The following GPR89B variants were observed in gnomAD, a reference collection of about 807,000 sequenced individuals.
GPR89B encodes G protein-coupled receptor 89B.
GPR89B carries 25 observed loss-of-function variants against 52.4 expected under a neutral mutation model. The observed-to-expected ratio is 0.48, with a 90% CI of 0.35 to 0.67. GPR89B has a LOEUF of 0.67. Among genes scored for constraint, GPR89B ranks in the 30% least tolerant of loss-of-function variants. The pLI, the probability that GPR89B is intolerant of heterozygous loss-of-function variation, is 0.01. For missense variants in GPR89B, 146 were observed against 450.2 expected (o/e 0.32, Z 6.11); for synonymous variants, 52 against 151.2 (o/e 0.34, Z 4.81).
chr1:147,977,075 A>G (rs1211087611), intron 10 of GPR89B, among the ~76,000 whole-genome samples: 4 of 151,358 alleles, frequency 2.6e-5, no homozygotes, highest in Non-Finnish European at 5.9e-5. Flanking sequence ...TCTACTAAAA[A>G]TACAAAAAAT....
intron 1 of GPR89B, among the ~76,000 whole-genome samples, chr1:147,935,385 G>A (rs1379119435): frequency 6.6e-6 from 1 of 152,134 alleles, no homozygotes; most frequent in African/African-American, 2.4e-5. Flanking sequence ...GTAGTCCCTA[G>A]AAAGACATAA....
chr1:148,000,450 G>T, the GPR89B span, among the ~76,000 whole-genome samples: 1 of 152,008 alleles, frequency 6.6e-6, no homozygotes, highest in East Asian at 1.9e-4. Context: ...TTGAAAAAAT[G>T]TGCTGGGGAG....
the GPR89B span, among the ~76,000 whole-genome samples, chr1:147,998,953 G>A: frequency 7.3e-5 from 11 of 151,618 alleles, no homozygotes; most frequent in East Asian, 1.4e-3. Context: ...GTATGTGCCA[G>A]GGACTGCTAG....
chr1:147,999,238 C>T, the GPR89B span, among the ~76,000 whole-genome samples: 3,762 of 151,798 alleles, frequency 0.025, 147 homozygotes, highest in African/African-American at 0.085. Flanking sequence ...TTTCTGGCAG[C>T]TTCAGTTGGT....
At chr1:147,935,544 GA>G (rs1654011827) in intron 1 of GPR89B, among the ~76,000 whole-genome samples, 1 of 152,132 alleles carries the variant, frequency 6.6e-6, no homozygotes, top group Non-Finnish European at 1.5e-5. Flanking sequence ...CAAAACTGAC[GA>G]AAGAGGGATC....
At chr1:148,009,319 C>A in the GPR89B span, 9 of 1,607,010 alleles carry the variant, frequency 5.6e-6, no homozygotes, top group South Asian at 1.1e-5. Flanking sequence ...CCCTGCCTCC[C>A]CCTGCTCCCC....
intron 5 of GPR89B, among the ~76,000 whole-genome samples, chr1:147,952,793 C>G (rs1275886448): frequency 6.6e-6 from 1 of 150,520 alleles, no homozygotes; most frequent in Non-Finnish European, 1.5e-5. Flanking sequence ...ATTTATAATC[C>G]GAAACTGATG....
At chr1:148,009,578 G>C in the GPR89B span, 2 of 1,511,324 alleles carry the variant, frequency 1.3e-6, no homozygotes, top group African/African-American at 2.8e-5. Flanking sequence ...CACTCTTTCT[G>C]ACCAGATCCA....
At chr1:148,002,038 CTT>C in the GPR89B span, among the ~76,000 whole-genome samples, 17 of 129,952 alleles carry the variant, frequency 1.3e-4, no homozygotes, top group South Asian at 7.4e-4. Flanking sequence ...CCAGATGCTG[CTT>C]TTTTTTTTTT....
intron 1 of GPR89B, 159 bp downstream of exon 1, chr1:147,928,737 G>C (rs1158095227): frequency 1.6e-6 from 1 of 633,048 alleles, no homozygotes; most frequent in Non-Finnish European, 2.0e-6. Context: ...ATTTGCTGCG[G>C]CCGGTTCCCT....
At chr1:148,005,410 T>A in the GPR89B span, 1 of 1,588,892 alleles carries the variant, frequency 6.3e-7, no homozygotes, top group Non-Finnish European at 8.6e-7. Flanking sequence ...ATCCTCTACA[T>A]TCTCTCCATT....
rs587758410 is a variant in GPR89B, at chr1:147,950,332, G to A, written c.416-3013G>A. 2.0e-5 allele frequency among the ~76,000 whole-genome samples: 3 copies of A among 150,790 alleles called. No individual in the cohort carries two copies. The South Asian group carries it at 6.3e-4, about 32-fold the overall frequency. Reference sequence around the variant, plus strand: ...CAGAGGCGCTCCCCACATCTTAGACGATGGGCGGCCGGGCAGAGACGCTCC... The same window carrying A: ...CAGAGGCGCTCCCCACATCTTAGACAATGGGCGGCCGGGCAGAGACGCTCC... On this transcript the variant is annotated intron_variant, in intron 5 of 13. Coordinates refer to ENST00000314163, the MANE Select transcript of GPR89B (RefSeq NM_016334.5).
chr1:147,940,513 T>A (rs1654473105), intron 3 of GPR89B, among the ~76,000 whole-genome samples: 1 of 152,098 alleles, frequency 6.6e-6, no homozygotes, highest in Non-Finnish European at 1.5e-5. Flanking sequence ...GGTTATTAAA[T>A]TTTATTATCA....
In GPR89B at chr1:147,985,639, T is replaced by TC. The variant is rs1658608604; in HGVS notation, c.910-560_910-559insC. Among the ~76,000 whole-genome samples the TC allele has an allele frequency of 5.9e-5, 9 of 152,158 alleles. No homozygotes were observed. The South Asian group carries it at 1.9e-3, about 32-fold the overall frequency. On this transcript the variant is annotated intron_variant, in intron 10 of 13. Coordinates refer to ENST00000314163, the MANE Select transcript of GPR89B (RefSeq NM_016334.5). ...TCATGTGATTATTGATGTGGTTGTT[T>TC]TTTTTTTTAACGTGGTTGGATTTTA... is the stretch of plus-strand genomic sequence containing the variant.
At chr1:147,979,207 G>T (rs1481479020) in intron 10 of GPR89B, among the ~76,000 whole-genome samples, 1 of 151,958 alleles carries the variant, frequency 6.6e-6, no homozygotes, top group Non-Finnish European at 1.5e-5. Context: ...AGAGAACCTG[G>T]TTACCTCAGC....
downstream of GPR89B, chr1:147,994,211 C>T (rs1217710000): frequency 1.6e-5 from 25 of 1,592,634 alleles, no homozygotes; most frequent in South Asian, 2.7e-4. Flanking sequence ...AGACAGTAAA[C>T]AGGTCGCAAC....
At chr1:147,971,511 G>C (rs1376403596) in intron 10 of GPR89B, among the ~76,000 whole-genome samples, 1 of 116,956 alleles carries the variant, frequency 8.6e-6, no homozygotes, top group Non-Finnish European at 1.6e-5. Context: ...GTCTCTCTCT[G>C]TCTCCCAGGC....
Position 147,951,554 on chromosome 1 carries a change from G to C in GPR89B, c.416-1791G>C, listed in dbSNP as rs587648186. ...GAAGCCAAGAACAGAATTTCTCTTA[G>C]AAAAGAGAATTGAAACTAAAGAGAA... On this transcript the variant is annotated intron_variant, in intron 5 of 13. Coordinates refer to ENST00000314163, the MANE Select transcript of GPR89B (RefSeq NM_016334.5). Among the ~76,000 whole-genome samples, 541 of 151,856 alleles carry C rather than the reference G, an allele frequency of 3.6e-3. 8 individuals carry two copies. Among genetic ancestry groups the C allele is most frequent in the African/African-American group, 0.013 (523 of 41,252 alleles).
the GPR89B span, among the ~76,000 whole-genome samples, chr1:148,015,583 G>C: frequency 8.1e-5 from 12 of 148,218 alleles, 2 homozygotes; most frequent in Non-Finnish European, 4.5e-5. Flanking sequence ...TAAAGTGTTG[G>C]GATTACAGGC....
Sources: gnomAD v4.1 joint callset for allele counts (sites outside exome capture counted in the v4.1 genomes callset) on GRCh38, gnomAD v4.1.1 for gene constraint, MANE v1.5 for transcripts, NCBI Gene and HGNC (gene_info 2026-07-23, HGNC 2026-07-21) for gene names.